Variants in TTLL10 observed in about 807,000 individuals in gnomAD.
TTLL10 encodes inactive polyglycylase TTLL10.
In TTLL10, 61 loss-of-function variants were observed where a neutral mutation model predicts 69.0. The observed-to-expected ratio is 0.88, with a 90% confidence interval of 0.72 to 1.09. TTLL10 has a LOEUF of 1.09. Among genes scored for constraint, TTLL10 ranks in the 50% least tolerant of loss-of-function variants. TTLL10 has a pLI of 0.00. For missense variants in TTLL10, 962 were observed against 945.9 expected, an observed-to-expected ratio of 1.02 and a Z score of -0.22; for synonymous variants, 408 against 393.3, an observed-to-expected ratio of 1.04 and a Z score of -0.44.
intron 13 of TTLL10, among the ~76,000 whole-genome samples, chr1:1,191,395 C>T (rs1647766647): frequency 6.6e-6 from 1 of 152,072 alleles, no homozygotes; most frequent in African/African-American, 2.4e-5. Flanking sequence ...AGTTTGAGTC[C>T]AGCCTGGGCA....
Position 1,174,338 on chromosome 1 carries a change from G to A in TTLL10, c.-94+17G>A, listed in dbSNP as rs917673983. ...TCGAACAATGTCAGTACCTTCCTAG[G>A]GCCCCACGTGGCCAAGCTTGGATTC... is the stretch of plus-strand genomic sequence containing the variant. On this transcript the variant is annotated intron_variant, in intron 2 of 15. Transcript: ENST00000379289. The A allele has an allele frequency of 1.4e-4, 21 of 152,680 alleles. No individual in the cohort carries two copies. The highest frequency in any genetic ancestry group is 5.1e-4 in the African/African-American group (21 of 41,466). The allele number at this position is 152,680 out of a possible 1,614,324, so 9.5% of individuals were successfully genotyped here. A position where few individuals can be genotyped will look rare whatever the true frequency, so the allele number is the denominator to read the frequency against.
In TTLL10 at chr1:1,197,682, G is replaced by T; in HGVS notation, c.1857G>T (p.Pro619=). 1 of 1,506,148 alleles carries T rather than the reference G, an allele frequency of 6.6e-7. No homozygotes were observed. The highest frequency in any genetic ancestry group is 8.8e-7 in the Non-Finnish European group (1 of 1,134,338). The allele number at this position is 1,506,148 out of a possible 1,614,324, so 93.3% of individuals were successfully genotyped here. A position where few individuals can be genotyped will look rare whatever the true frequency, so the allele number is the denominator to read the frequency against. Residue 619 remains proline, a synonymous_variant, in exon 16 of 16, where the codon CCG becomes CCT. Coordinates refer to ENST00000379289, the MANE Select transcript of TTLL10 (RefSeq NM_001130045.2). ...ARRPAPPPLV[P]QRPRPPGPDL... is the part of the protein sequence containing the mutation. ...GGCCTGCGCCACCTCCCTTGGTGCC[G>T]CAGCGTCCCCGGCCACCCGGCCCCG... is the stretch of plus-strand genomic sequence containing the variant.
chr1:1,191,569 T>G (rs12120877), intron 13 of TTLL10, among the ~76,000 whole-genome samples: 1,802 of 152,364 alleles, frequency 0.012, 13 homozygotes, highest in South Asian at 0.039. Flanking sequence ...ATCCTGTTTT[T>G]GGGTGTAGTG....
In TTLL10 at chr1:1,197,425, C is replaced by T; in HGVS notation, c.1613-13C>T. ...CTGCCCCCCACTCACCCTCTCTCCCCCACCCGCACCAGACCTGGTGCTCGA... is the reference window on the plus strand; with the variant it reads ...CTGCCCCCCACTCACCCTCTCTCCCTCACCCGCACCAGACCTGGTGCTCGA... On this transcript the variant is annotated splice_polypyrimidine_tract_variant and intron_variant, in intron 15 of 15. Transcript: ENST00000379289. The T allele has an allele frequency of 6.6e-7, 1 of 1,517,392 alleles. No individual in the cohort carries two copies. The highest frequency in any genetic ancestry group is 2.5e-5 in the East Asian group (1 of 40,660). The allele number at this position is 1,517,392 out of a possible 1,614,324, so 94.0% of individuals were successfully genotyped here.
chr1:1,182,284 C>T (rs1031301174), intron 9 of TTLL10, 77 bp from the exon 10 acceptor site: 3 of 1,330,024 alleles, frequency 2.3e-6, no homozygotes, highest in Admixed American at 1.7e-5. Flanking sequence ...CGCCGGGCCA[C>T]AGGCTGGGCC....
intron 4 of TTLL10, 27 bp downstream of exon 4, chr1:1,179,360 C>T (rs1646969734): frequency 6.5e-7 from 1 of 1,542,672 alleles, no homozygotes; most frequent in South Asian, 1.2e-5. Context: ...TGGGTGGCCT[C>T]CTACCTCTCC....
intron 13 of TTLL10, among the ~76,000 whole-genome samples, chr1:1,191,829 G>A (rs1647808384): frequency 6.6e-6 from 1 of 152,246 alleles, no homozygotes; most frequent in South Asian, 2.1e-4. Context: ...CGAAGGGATG[G>A]GCCAAATTAA....
intron 3 of TTLL10, 42 bp from the exon 4 acceptor site, chr1:1,179,147 C>G (rs992746328): frequency 3.0e-6 from 4 of 1,353,086 alleles, no homozygotes; most frequent in African/African-American, 1.5e-5. Context: ...TCGGGCCGCG[C>G]GGAGGTCCCA....
chr1:1,189,861 C>G (rs927843898), intron 13 of TTLL10, among the ~76,000 whole-genome samples: 1 of 151,906 alleles, frequency 6.6e-6, no homozygotes, highest in Non-Finnish European at 1.5e-5. Context: ...GCCTATAATC[C>G]CAGCACTTTG....
At chr1:1,184,124 A>C (rs781176107) in intron 12 of TTLL10, 33 bp downstream of exon 12, 94 of 1,613,608 alleles carry the variant, frequency 5.8e-5, no homozygotes, top group Non-Finnish European at 7.8e-5. Flanking sequence ...CCCTCCCTGC[A>C]GCCTTGGGAT....
chr1:1,188,454 G>C (rs1318871447), intron 13 of TTLL10, among the ~76,000 whole-genome samples: 1 of 149,052 alleles, frequency 6.7e-6, no homozygotes, highest in Non-Finnish European at 1.5e-5. Flanking sequence ...TGCCCAGGCT[G>C]GAGTGCAGTG....
At chr1:1,190,005 G>C (rs190494018) in intron 13 of TTLL10, among the ~76,000 whole-genome samples, 19 of 151,856 alleles carry the variant, frequency 1.3e-4, no homozygotes, top group Admixed American at 3.3e-4. Flanking sequence ...CCAGCTACTC[G>C]GGAGGCTGAG....
rs553315851 is a variant in TTLL10 at position 1,182,399 on chromosome 1, G to T, written c.869G>T (p.Arg290Leu). ...RMEEFFPETY[R>L]LDLKHEREAF... ...GAAGAGTTTTTCCCAGAGACCTACCGCCTGGACCTCAAACACGAGAGAGAG... is the reference window on the plus strand; with the variant it reads ...GAAGAGTTTTTCCCAGAGACCTACCTCCTGGACCTCAAACACGAGAGAGAG... Residue 290 changes from arginine to leucine, a missense_variant, in exon 10 of 16, where the codon CGC becomes CTC. Transcript: ENST00000379289. 3 of 1,613,946 alleles carry T rather than the reference G, an allele frequency of 1.9e-6. No individual in the cohort carries two copies. The highest frequency in any genetic ancestry group is 4.5e-5 in the East Asian group (2 of 44,858).
chr1:1,197,868 C>T lies in TTLL10; in HGVS notation c.*21C>T, dbSNP rs1225433519. The T allele has an allele frequency of 5.7e-6, 8 of 1,399,386 alleles. No homozygotes were observed. Among genetic ancestry groups the T allele is most frequent in the Non-Finnish European group, 5.6e-6 (6 of 1,077,604 alleles). 86.7% of individuals were successfully genotyped at this position (1,399,386 alleles called of 1,614,324 possible). ...CCTAGGGGCAGCCACCCGCGCCCAG[C>T]GCCCCGCGCCCCGCGCCCCAGCCGT... is the stretch of plus-strand genomic sequence containing the variant. On this transcript the variant is annotated 3_prime_UTR_variant, in exon 16 of 16. Coordinates refer to ENST00000379289, the MANE Select transcript of TTLL10 (RefSeq NM_001130045.2).
intron 9 of TTLL10, 80 bp from the exon 10 acceptor site, chr1:1,182,281 C>T: frequency 7.8e-7 from 1 of 1,290,078 alleles, no homozygotes; most frequent in South Asian, 1.2e-5. Context: ...TCCCGCCGGG[C>T]CACAGGCTGG....
chr1:1,182,536 G>A (rs1357768602), intron 10 of TTLL10, 90 bp downstream of exon 10: 4 of 1,360,364 alleles, frequency 2.9e-6, no homozygotes, highest in Admixed American at 1.7e-5. Flanking sequence ...GCAGGGCTGG[G>A]TCTGGAGGGG....
chr1:1,178,198 C>T (rs1178503545), intron 3 of TTLL10, among the ~76,000 whole-genome samples: 1 of 152,184 alleles, frequency 6.6e-6, no homozygotes. Context: ...CTCAGAGCCC[C>T]CACAGCCTCT....
rs112227633 is a variant in TTLL10, at chr1:1,176,336, A to G, written c.-28+1847A>G. 5.9e-3 allele frequency: 2,432 copies of G among 412,028 alleles called. 15 individuals carry two copies. The highest frequency in any genetic ancestry group is 7.1e-3 in the South Asian group (404 of 57,108). 25.5% of individuals were successfully genotyped at this position (412,028 alleles called of 1,614,324 possible). On this transcript the variant is annotated intron_variant, in intron 3 of 15. Coordinates refer to ENST00000379289, the MANE Select transcript of TTLL10 (RefSeq NM_001130045.2). ...AGGTGGAGAGAGGCTGACACTGTGC[A>G]GGTGGAGAGAGGCTGACGCTGTGCA...
At chr1:1,177,908 A>G (rs1351919915) in intron 3 of TTLL10, among the ~76,000 whole-genome samples, 1 of 152,128 alleles carries the variant, frequency 6.6e-6, no homozygotes, top group Non-Finnish European at 1.5e-5. Context: ...CACCCTAGGA[A>G]GAGGGCGTGA....
Sources: allele counts gnomAD v4.1 joint callset (sites outside exome capture counted in the v4.1 genomes callset), GRCh38; gene constraint gnomAD v4.1.1; transcripts MANE v1.5; gene names NCBI Gene and HGNC (gene_info 2026-07-23, HGNC 2026-07-21).